ETV5: variants seen among roughly 807,000 people sequenced by gnomAD.
The protein encoded by ETV5 is ETS translocation variant 5.
A neutral mutation model predicts 70.0 loss-of-function variants in ETV5; 10 were observed. The observed-to-expected ratio is 0.14, with a 90% confidence interval of 0.09 to 0.24. The LOEUF is 0.24. Ranked by LOEUF, ETV5 falls within the 10% of genes least tolerant of loss-of-function variation. ETV5 has a pLI of 1.00. For missense variants in ETV5, 453 were observed against 651.2 expected (o/e 0.70, Z 3.31); for synonymous variants, 216 against 242.2 (o/e 0.89, Z 1.01).
At chr3:186,077,128 G>GT (rs1033783772) in intron 7 of ETV5, among the ~76,000 whole-genome samples, 4 of 152,150 alleles carry the variant, frequency 2.6e-5, no homozygotes, top group African/African-American at 7.2e-5. Flanking sequence ...TATAAAATGG[G>GT]TTTTTTCACT....
At chr3:186,080,908 A>G in intron 6 of ETV5, 138 bp downstream of exon 6, 1 of 1,025,616 alleles carries the variant, frequency 9.8e-7, no homozygotes, top group Non-Finnish European at 1.4e-6. Flanking sequence ...CACCCGGAGG[A>G]TGACACTGCC....
chr3:186,108,587 C>T (rs980591085), intron 1 of ETV5: 75 of 1,236,682 alleles, frequency 6.1e-5, no homozygotes, highest in Non-Finnish European at 7.6e-5. Flanking sequence ...CCTCCAAGTC[C>T]CCTCGGGGCT....
chr3:186,094,110 G>A (rs148030509), intron 5 of ETV5, among the ~76,000 whole-genome samples: 6 of 152,322 alleles, frequency 3.9e-5, no homozygotes, highest in South Asian at 2.1e-4. Context: ...TTCTATCAGC[G>A]AATGATATGG....
At chr3:186,092,992 G>A (rs1237805175) in intron 5 of ETV5, among the ~76,000 whole-genome samples, 2 of 152,212 alleles carry the variant, frequency 1.3e-5, no homozygotes, top group African/African-American at 4.8e-5. Flanking sequence ...AGACCTTGCA[G>A]AGTTCTGGAG....
intron 5 of ETV5, among the ~76,000 whole-genome samples, chr3:186,104,042 C>G (rs768461717): frequency 2.0e-5 from 3 of 152,176 alleles, no homozygotes; most frequent in African/African-American, 4.8e-5. Context: ...TCTGTTGGTC[C>G]AAAATGAGAA....
chr3:186,108,569 C>T (rs1458429766), intron 1 of ETV5: 2 of 1,262,054 alleles, frequency 1.6e-6, no homozygotes, highest in East Asian at 1.2e-4. Flanking sequence ...AGCGTCTCTT[C>T]TCGCGAGCCT....
chr3:186,066,228 T>C (rs1219840130), intron 7 of ETV5, among the ~76,000 whole-genome samples, 156 bp from the exon 8 acceptor site: 2 of 132,240 alleles, frequency 1.5e-5, no homozygotes. Flanking sequence ...CAAAATTACA[T>C]TGTGTATTTC....
chr3:186,071,789 G>T (rs749948443), intron 7 of ETV5, among the ~76,000 whole-genome samples: 1 of 151,208 alleles, frequency 6.6e-6, no homozygotes, highest in African/African-American at 2.4e-5. Flanking sequence ...TGACCAACAC[G>T]GTGAAACCTG....
At chr3:186,082,037 G>A (rs1713945041) in intron 5 of ETV5, among the ~76,000 whole-genome samples, 1 of 152,224 alleles carries the variant, frequency 6.6e-6, no homozygotes, top group African/African-American at 2.4e-5. Flanking sequence ...AAATCAAGGT[G>A]ATTTACATGT....
chr3:186,050,078 AC>A (rs1279183521), intron 12 of ETV5, among the ~76,000 whole-genome samples: 1 of 152,144 alleles, frequency 6.6e-6, no homozygotes, highest in Non-Finnish European at 1.5e-5. Flanking sequence ...TAAAATAATA[AC>A]CCCTTCCTTA....
At position 186,048,478 on chromosome 3, in the gene ETV5, C is replaced by T; in HGVS notation, c.*161G>A. The T allele has an allele frequency of 1.5e-6, 1 of 645,986 alleles. No individual in the cohort carries two copies. The highest frequency in any genetic ancestry group is 4.2e-4 in the Middle Eastern group (1 of 2,404). 40.0% of individuals were successfully genotyped at this position (645,986 alleles called of 1,614,324 possible). Reference sequence around the variant, plus strand: ...TGTTCCCACTCCCCAGCCAATGTATCTGTCTTTAAGGGTGCCAATCCAGAG... The same window carrying T: ...TGTTCCCACTCCCCAGCCAATGTATTTGTCTTTAAGGGTGCCAATCCAGAG... On this transcript the variant is annotated 3_prime_UTR_variant, in exon 13 of 13. Coordinates refer to ENST00000306376, the MANE Select transcript of ETV5 (RefSeq NM_004454.3).
intron 7 of ETV5, among the ~76,000 whole-genome samples, chr3:186,078,827 C>T (rs1397398961): frequency 3.3e-5 from 5 of 152,046 alleles, no homozygotes; most frequent in Admixed American, 1.3e-4. Flanking sequence ...CAGAGCAAAA[C>T]GGGAAGGGGA....
In ETV5 at chr3:186,105,216, C is replaced by T; in HGVS notation, c.232+89G>A. The T allele has an allele frequency of 2.8e-6, 3 of 1,087,460 alleles. No homozygotes were observed. Among genetic ancestry groups the T allele is most frequent in the South Asian group, 2.9e-5 (2 of 69,812 alleles). 67.4% of individuals were successfully genotyped at this position (1,087,460 alleles called of 1,614,324 possible). ...AATGCATACTACTGTCTAAATCTGG[C>T]CATAGCTGAAAAAAGCATATTCTAG... On this transcript the variant is annotated intron_variant, in intron 5 of 12. Coordinates refer to ENST00000306376, the MANE Select transcript of ETV5 (RefSeq NM_004454.3). This position sits in a 1 kb window ranked among gnomAD's most constrained non-coding sequence, Gnocchi z 4.5.
intron 7 of ETV5, among the ~76,000 whole-genome samples, chr3:186,067,978 A>G (rs1713493408): frequency 6.6e-6 from 1 of 152,260 alleles, no homozygotes. Flanking sequence ...AAACAGGAAT[A>G]TCCTTACAGA....
chr3:186,063,678 T>G (rs1481326995), intron 9 of ETV5, among the ~76,000 whole-genome samples: 1 of 152,206 alleles, frequency 6.6e-6, no homozygotes, highest in Non-Finnish European at 1.5e-5. Flanking sequence ...TTGAGGTATT[T>G]TTTAAAAATC....
chr3:186,065,667 T>G, intron 8 of ETV5, 146 bp downstream of exon 8: 1 of 954,350 alleles, frequency 1.0e-6, no homozygotes, highest in Non-Finnish European at 1.5e-6. Context: ...TACTAGCTCC[T>G]AAGTTATTTG....
chr3:186,102,244 TTC>T (rs1714477525), intron 5 of ETV5, among the ~76,000 whole-genome samples: 2 of 152,188 alleles, frequency 1.3e-5, no homozygotes, highest in Non-Finnish European at 2.9e-5. Flanking sequence ...GTATTTCTCT[TTC>T]TTTCATGTAT....
At chr3:186,061,109 A>G (rs1199853292) in intron 9 of ETV5, among the ~76,000 whole-genome samples, 1 of 152,136 alleles carries the variant, frequency 6.6e-6, no homozygotes, top group Non-Finnish European at 1.5e-5. Context: ...ACCCATAAAC[A>G]CGGCTCTTAT....
At chr3:186,098,130 G>A (rs1463225522) in intron 5 of ETV5, among the ~76,000 whole-genome samples, 1 of 152,196 alleles carries the variant, frequency 6.6e-6, no homozygotes, top group East Asian at 1.9e-4. Context: ...AAATGGCCAA[G>A]ACCCTTGTGG....
Sources: allele counts gnomAD v4.1 joint callset (sites outside exome capture counted in the v4.1 genomes callset), GRCh38; gene constraint gnomAD v4.1.1; non-coding constraint Gnocchi (gnomAD v3.1); transcripts MANE v1.5; gene names NCBI Gene and HGNC (gene_info 2026-07-23, HGNC 2026-07-21).